CAMK2B: variants seen among roughly 807,000 people sequenced by gnomAD.
CAMK2B encodes the protein calcium/calmodulin dependent protein kinase II beta, also known as calcium/calmodulin-dependent protein kinase type II subunit beta.
A neutral mutation model predicts 93.7 loss-of-function variants in CAMK2B; 27 were observed. The observed-to-expected ratio is 0.29, with a 90% confidence interval of 0.21 to 0.40. The LOEUF is 0.40. CAMK2B is among the 10% of genes least tolerant of loss of function. The pLI is 1.00. For missense variants in CAMK2B, 568 were observed against 895.8 expected, an observed-to-expected ratio of 0.63 and a Z score of 4.67; for synonymous variants, 374 against 358.8, an observed-to-expected ratio of 1.04 and a Z score of -0.48.
intron 5 of CAMK2B, among the ~76,000 whole-genome samples, chr7:44,251,180 G>T (rs2096777034): frequency 6.6e-6 from 1 of 152,146 alleles, no homozygotes; most frequent in African/African-American, 2.4e-5. Flanking sequence ...TGGCCAGGAG[G>T]CCTCGGCCCA....
At chr7:44,273,642 G>A (rs1221252841) in intron 2 of CAMK2B, among the ~76,000 whole-genome samples, 1 of 152,122 alleles carries the variant, frequency 6.6e-6, no homozygotes, top group African/African-American at 2.4e-5. Context: ...AGACAGCCGG[G>A]ACACTGGCTC....
In CAMK2B at chr7:44,225,815, G is replaced by C. The variant is rs112433211; in HGVS notation, c.1597+701C>G. 3,271 of 1,289,370 alleles carry C rather than the reference G, an allele frequency of 2.5e-3. 46 individuals are homozygous for C. In the African/African-American group the frequency reaches 0.046, roughly 18 times the overall value. 79.9% of individuals were successfully genotyped at this position (1,289,370 alleles called of 1,614,324 possible). ...CGTGGCCCAGCAGCCTCTTCTCTAA[G>C]AGTATCTCCACACCACCCCCAGTCT... On this transcript the variant is annotated intron_variant, in intron 20 of 23. Transcript: ENST00000395749. The surrounding 1 kb of genome is among the most constrained non-coding windows in gnomAD (Gnocchi z 5.0).
intron 5 of CAMK2B, among the ~76,000 whole-genome samples, chr7:44,253,087 C>T (rs372049147): frequency 6.6e-6 from 1 of 152,126 alleles, no homozygotes. Flanking sequence ...GGCCATGTCA[C>T]GATGGGCAGT....
chr7:44,222,460 G>T (rs1287052839), intron 20 of CAMK2B, among the ~76,000 whole-genome samples: 1 of 151,454 alleles, frequency 6.6e-6, no homozygotes, highest in East Asian at 1.9e-4. Context: ...TTTTTAGATG[G>T]AGTCTCACTC....
chr7:44,238,290 G>T (rs2096644730), intron 13 of CAMK2B, among the ~76,000 whole-genome samples: 1 of 152,214 alleles, frequency 6.6e-6, no homozygotes. Flanking sequence ...AGGGCCTCAT[G>T]CACCGTCGCC....
intron 1 of CAMK2B, among the ~76,000 whole-genome samples, chr7:44,321,019 G>A (rs1178468849): frequency 6.6e-6 from 1 of 152,204 alleles, no homozygotes; most frequent in Non-Finnish European, 1.5e-5. Flanking sequence ...CTGCTGAGCA[G>A]CCCAAGGGAG....
chr7:44,246,975 C>A, intron 6 of CAMK2B, 145 bp downstream of exon 6: 1 of 661,622 alleles, frequency 1.5e-6, no homozygotes, highest in South Asian at 1.8e-5. Context: ...CTCCTCCATG[C>A]ATGCACACAA....
At chr7:44,265,874 G>A (rs770417175) in intron 2 of CAMK2B, among the ~76,000 whole-genome samples, 3 of 151,618 alleles carry the variant, frequency 2.0e-5, no homozygotes, top group Non-Finnish European at 4.4e-5. Context: ...TCAGAGAGCC[G>A]CTTGGAAACC....
chr7:44,307,926 T>C (rs568671989), intron 1 of CAMK2B, among the ~76,000 whole-genome samples: 1 of 152,206 alleles, frequency 6.6e-6, no homozygotes, highest in South Asian at 2.1e-4. Context: ...AGTGCAGTGG[T>C]GTGACTGCAG....
intron 16 of CAMK2B, among the ~76,000 whole-genome samples, chr7:44,231,963 C>A (rs1275865957): frequency 1.3e-5 from 2 of 152,220 alleles, no homozygotes; most frequent in Non-Finnish European, 2.9e-5. Context: ...TCAGAGTTCA[C>A]CACAGCCCAG....
At chr7:44,313,200 T>G (rs1794005651) in intron 1 of CAMK2B, among the ~76,000 whole-genome samples, 2 of 152,020 alleles carry the variant, frequency 1.3e-5, no homozygotes, top group Admixed American at 1.3e-4. Flanking sequence ...AGGCCAGCAC[T>G]CCCTCGCTCC....
At chr7:44,319,439 T>C (rs542083034) in intron 1 of CAMK2B, among the ~76,000 whole-genome samples, 12 of 152,292 alleles carry the variant, frequency 7.9e-5, no homozygotes, top group Non-Finnish European at 1.5e-4. Flanking sequence ...AAGTAGAAGA[T>C]ACAAAACCTA....
intron 2 of CAMK2B, among the ~76,000 whole-genome samples, chr7:44,277,552 C>G (rs751622932): frequency 6.6e-6 from 1 of 152,110 alleles, no homozygotes; most frequent in South Asian, 2.1e-4. Flanking sequence ...TGCTCGGGCC[C>G]GGACATGAGT....
chr7:44,228,752 G>T, intron 19 of CAMK2B, 44 bp downstream of exon 19: 1 of 1,427,146 alleles, frequency 7.0e-7, no homozygotes, highest in African/African-American at 1.5e-5. Context: ...TTCGCAGGGA[G>T]CTGTCCGGCA....
Position 44,314,806 on chromosome 7 carries a change from C to T in CAMK2B, c.65+10551G>A, listed in dbSNP as rs529527294. Among the ~76,000 whole-genome samples, 5 of 152,330 alleles carry T rather than the reference C, an allele frequency of 3.3e-5. No homozygotes were observed. The South Asian group carries it at 8.3e-4, about 25-fold the overall frequency. ...TCCTAGTAAGAGTGAAATGGCATCGCATGATGGTTTTGAATTGCATTTCCA... is the reference window on the plus strand; with the variant it reads ...TCCTAGTAAGAGTGAAATGGCATCGTATGATGGTTTTGAATTGCATTTCCA... On this transcript the variant is annotated intron_variant, in intron 1 of 23. Coordinates refer to ENST00000395749, the MANE Select transcript of CAMK2B (RefSeq NM_001220.5).
chr7:44,261,980 C>T (rs892476524), intron 3 of CAMK2B, among the ~76,000 whole-genome samples: 4 of 152,288 alleles, frequency 2.6e-5, no homozygotes, highest in Non-Finnish European at 4.4e-5. Context: ...AGCCTGGCCC[C>T]GGGCCCTGGA....
chr7:44,284,216 G>C lies in CAMK2B; in HGVS notation c.75C>G (p.Phe25Leu). ...GCTTGACACAGCGTCGGACCACAGA[G>C]AAAGCCCCCCTGGGGAGGAAAATGG... Reference protein sequence around the residue: ...QLYEDIGKGAFSVVRRCVKLC... With the variant: ...QLYEDIGKGALSVVRRCVKLC... The change falls in exon 2 of 24, where the codon TTC becomes TTG. Residue 25 changes from phenylalanine to leucine, a missense_variant. Physicochemically the swap from Phe to Leu is conservative, Grantham distance 22 (BLOSUM62 0). Coordinates refer to ENST00000395749, the MANE Select transcript of CAMK2B (RefSeq NM_001220.5). 6.2e-7 allele frequency: 1 copy of C among 1,612,888 alleles called. No homozygotes were observed. Among genetic ancestry groups the C allele is most frequent in the Non-Finnish European group, 8.5e-7 (1 of 1,179,470 alleles).
At chr7:44,299,215 A>G (rs1789201525) in intron 1 of CAMK2B, among the ~76,000 whole-genome samples, 1 of 152,256 alleles carries the variant, frequency 6.6e-6, no homozygotes, top group Admixed American at 6.5e-5. Flanking sequence ...AGCCTTGAAA[A>G]GGAAGGAAAT....
chr7:44,306,027 C>T (rs1000887469), intron 1 of CAMK2B, among the ~76,000 whole-genome samples: 1 of 152,168 alleles, frequency 6.6e-6, no homozygotes, highest in South Asian at 2.1e-4. Context: ...CCTCCCTCTA[C>T]ATACCCCAAA....
Sources: gnomAD v4.1 joint callset for allele counts (sites outside exome capture counted in the v4.1 genomes callset) on GRCh38, gnomAD v4.1.1 for gene constraint, Gnocchi (gnomAD v3.1) non-coding constraint, MANE v1.5 for transcripts, NCBI Gene and HGNC (gene_info 2026-07-23, HGNC 2026-07-21) for gene names.